Variants in TBC1D24 observed in about 807,000 individuals in gnomAD.
TBC1D24 encodes the protein TBC1 domain family member 24.
In TBC1D24, 47 loss-of-function variants were observed where a neutral mutation model predicts 50.7. The ratio of observed to expected loss-of-function variants is 0.93; its 90% confidence interval spans 0.73 to 1.18. The LOEUF is 1.18. Ranked by LOEUF, TBC1D24 falls within the 50% of genes most tolerant of loss-of-function variation. TBC1D24 has a pLI of 0.00. For missense variants in TBC1D24, 688 were observed against 766.5 expected (o/e 0.90, Z 1.21); for synonymous variants, 324 against 335.2 (o/e 0.97, Z 0.36).
Position 2,502,812 on chromosome 16 carries a change from T to A in TBC1D24, c.*1854T>A, listed in dbSNP as rs1348303492. On this transcript the variant is annotated 3_prime_UTR_variant, in exon 8 of 8. Coordinates refer to ENST00000646147, the MANE Select transcript of TBC1D24 (RefSeq NM_001199107.2). Reference sequence around the variant, plus strand: ...CCCGCCTGAGCCCCTGAGGCCCTCATCTGTACCGCCAGCTTTGGTGTTCAT... The same window carrying A: ...CCCGCCTGAGCCCCTGAGGCCCTCAACTGTACCGCCAGCTTTGGTGTTCAT... 6.5e-6 allele frequency: 1 copy of A among 153,020 alleles called. No individual in the cohort carries two copies. The highest frequency in any genetic ancestry group is 1.9e-4 in the East Asian group (1 of 5,194). The allele number at this position is 153,020 out of a possible 1,614,324, so 9.5% of individuals were successfully genotyped here. A position where few individuals can be genotyped will look rare whatever the true frequency, so the allele number is the denominator to read the frequency against.
chr16:2,490,228 T>C lies in TBC1D24; in HGVS notation c.-115-5806T>C, dbSNP rs201059349. ...CGTGGGTGTCAGGTGGAATTTTTCCTATTTTCCTGGAATTGCAGGCTGGGC... is the reference window on the plus strand; with the variant it reads ...CGTGGGTGTCAGGTGGAATTTTTCCCATTTTCCTGGAATTGCAGGCTGGGC... On this transcript the variant is annotated intron_variant, in intron 1 of 7. Transcript: ENST00000646147. 2.6e-5 allele frequency among the ~76,000 whole-genome samples: 4 copies of C among 152,324 alleles called. No homozygotes were observed. In the East Asian group the frequency reaches 7.7e-4, roughly 29 times the overall value.
chr16:2,498,387 G>T lies in TBC1D24; in HGVS notation c.1133G>T (p.Ser378Ile). Residue 378 changes from serine (S) to isoleucine (I), a missense_variant, in exon 4 of 8, where the codon AGC (serine) becomes ATC (isoleucine). Coordinates refer to ENST00000646147, the MANE Select transcript of TBC1D24 (RefSeq NM_001199107.2). ...TTCTCCTCCCTGCAGCACGGGTACA[G>T]CCTGGCCAGGTAACACCCCAAGGGG... ...LLFSSLQHGY[S>I]LARFYFQCEG... is the part of the protein sequence containing the mutation. The T allele has an allele frequency of 6.2e-7, 1 of 1,603,370 alleles. No individual in the cohort carries two copies. The highest frequency in any genetic ancestry group is 2.2e-5 in the East Asian group (1 of 44,474).
At chr16:2,477,913 A>C (rs1175496717) in intron 1 of TBC1D24, 1 of 152,316 alleles carries the variant, frequency 6.6e-6, no homozygotes, top group African/African-American at 2.4e-5. Context: ...CCTGCCCACC[A>C]GCTCTTGGGA....
chr16:2,476,303 G>A (rs1167639756), intron 1 of TBC1D24, among the ~76,000 whole-genome samples: 1 of 152,068 alleles, frequency 6.6e-6, no homozygotes, highest in African/African-American at 2.4e-5. Flanking sequence ...CCGCCCGAGG[G>A]CCAGGGCTCT....
intron 1 of TBC1D24, among the ~76,000 whole-genome samples, chr16:2,493,215 T>C (rs1490231022): frequency 6.6e-6 from 1 of 151,826 alleles, no homozygotes; most frequent in African/African-American, 2.4e-5. Context: ...CTCGGCTCAC[T>C]GCAATCTCCG....
In TBC1D24 at chr16:2,499,796, G is replaced by T; in HGVS notation, c.1207-39G>T. 6.4e-7 allele frequency: 1 copy of T among 1,571,124 alleles called. No homozygotes were observed. The highest frequency in any genetic ancestry group is 8.8e-7 in the Non-Finnish European group (1 of 1,140,758). On this transcript the variant is annotated intron_variant, in intron 5 of 7. Transcript: ENST00000646147. The surrounding 1 kb of genome is among the most constrained non-coding windows in gnomAD (Gnocchi z 4.0). ...GTCTGGAGCACAGGGACGCTCCTGG[G>T]GGCCTGCGGGCACAGCCTCACCCAG...
In TBC1D24 at chr16:2,499,971, T is replaced by A. The variant is rs370235069; in HGVS notation, c.1302+41T>A. On this transcript the variant is annotated intron_variant, in intron 6 of 7. Transcript: ENST00000646147. The surrounding 1 kb of genome is among the most constrained non-coding windows in gnomAD (Gnocchi z 4.0). ...TGTCCCCAAACCCCCACGCAGACCC[T>A]GTAGCTGCATCCCTCCAGGAGCACC... 1.9e-4 allele frequency: 301 copies of A among 1,572,958 alleles called. No homozygotes were observed. The highest frequency in any genetic ancestry group is 2.6e-4 in the Non-Finnish European group (292 of 1,143,038).
Position 2,500,972 on chromosome 16 carries a change from G to C in TBC1D24, c.*14G>C. On this transcript the variant is annotated 3_prime_UTR_variant, in exon 8 of 8. Coordinates refer to ENST00000646147, the MANE Select transcript of TBC1D24 (RefSeq NM_001199107.2). This position sits in a 1 kb window ranked among gnomAD's most constrained non-coding sequence, Gnocchi z 8.0. ...GACACCCAGTGACGGCCTGTGCCACGGTGACTGAGCCGTGGTGGGGCGGTG... is the reference window on the plus strand; with the variant it reads ...GACACCCAGTGACGGCCTGTGCCACCGTGACTGAGCCGTGGTGGGGCGGTG... 6.2e-7 allele frequency: 1 copy of C among 1,608,182 alleles called. No homozygotes were observed. The highest frequency in any genetic ancestry group is 1.1e-5 in the South Asian group (1 of 91,062).
intron 2 of TBC1D24, 142 bp downstream of exon 2, chr16:2,497,255 C>A (rs545603154): frequency 2.7e-4 from 312 of 1,149,136 alleles, no homozygotes; most frequent in Middle Eastern, 1.4e-3. Flanking sequence ...TGAAAAGACA[C>A]TGAAACAGGA....
Position 2,497,696 on chromosome 16 carries a change from C to T in TBC1D24, c.966-14C>T. On this transcript the variant is annotated splice_polypyrimidine_tract_variant and intron_variant, in intron 2 of 7. Coordinates refer to ENST00000646147, the MANE Select transcript of TBC1D24 (RefSeq NM_001199107.2). ...TTTTCTTCTCCATGTCCGTTGCTTT[C>T]TCCTGTTTTTCAGTGTGTCACTTTC... The T allele has an allele frequency of 7.2e-6, 11 of 1,536,064 alleles. No homozygotes were observed. The highest frequency in any genetic ancestry group is 7.8e-6 in the Non-Finnish European group (9 of 1,146,784).
At position 2,502,251 on chromosome 16, in the gene TBC1D24, GC is replaced by G; in HGVS notation, c.*1298del. ...TTGCCTCTGGGCACTATAGGGGGCA[GC>G]CCCCTGCCTTGTGACCTCCCTCCAT... On this transcript the variant is annotated 3_prime_UTR_variant, in exon 8 of 8. Coordinates refer to ENST00000646147, the MANE Select transcript of TBC1D24 (RefSeq NM_001199107.2). 1 of 152,544 alleles carries G rather than the reference GC, an allele frequency of 6.6e-6. No individual in the cohort carries two copies. The highest frequency in any genetic ancestry group is 1.5e-5 in the Non-Finnish European group (1 of 68,176). The allele number at this position is 152,544 out of a possible 1,614,324, so 9.4% of individuals were successfully genotyped here. A position where few individuals can be genotyped will look rare whatever the true frequency, so the allele number is the denominator to read the frequency against.
At position 2,501,226 on chromosome 16, in the gene TBC1D24, T is replaced by G; in HGVS notation, c.*268T>G. The G allele has an allele frequency of 5.6e-6, 3 of 535,432 alleles. No individual in the cohort carries two copies. Among genetic ancestry groups the G allele is most frequent in the Non-Finnish European group, 6.8e-6 (2 of 295,924 alleles). 33.2% of individuals were successfully genotyped at this position (535,432 alleles called of 1,614,324 possible). ...ACCCAGAGCTGGCATAGGAAGTACC[T>G]TCCTCCTCCGTGGAGGCTTCCATAG... is the stretch of plus-strand genomic sequence containing the variant. On this transcript the variant is annotated 3_prime_UTR_variant, in exon 8 of 8. Transcript: ENST00000646147.
Position 2,500,405 on chromosome 16 carries a change from G to T in TBC1D24, c.1440G>T (p.Ser480=). ...SASSDPADRL[S]PFLAARHFNL... ...CCTCAGACCCCGCTGACCGCCTCTC[G>T]CCCTTCCTGGCCGCTCGCCACTTCA... The change falls in exon 7 of 8, where the codon TCG becomes TCT. Residue 480 remains serine (S), a synonymous_variant. Coordinates refer to ENST00000646147, the MANE Select transcript of TBC1D24 (RefSeq NM_001199107.2). This position sits in a 1 kb window ranked among gnomAD's most constrained non-coding sequence, Gnocchi z 8.0. 1 of 1,601,864 alleles carries T rather than the reference G, an allele frequency of 6.2e-7. No homozygotes were observed. The highest frequency in any genetic ancestry group is 1.3e-5 in the African/African-American group (1 of 74,758).
intron 1 of TBC1D24, chr16:2,484,237 T>A (rs987191908): frequency 9.9e-5 from 15 of 152,258 alleles, no homozygotes; most frequent in African/African-American, 2.9e-4. Context: ...CCACAGATCT[T>A]TCTGGAATAA....
At chr16:2,494,524 G>C (rs944213156) in intron 1 of TBC1D24, among the ~76,000 whole-genome samples, 3 of 152,128 alleles carry the variant, frequency 2.0e-5, no homozygotes, top group Non-Finnish European at 4.4e-5. Context: ...GTGTTTAGGA[G>C]CCTGGAGTGG....
In TBC1D24 at chr16:2,475,182, CGGGGCGTGCGG is replaced by C. The variant is rs2065555299; in HGVS notation, c.-116+19_-116+29del. 1 of 146,282 alleles carries C rather than the reference CGGGGCGTGCGG, an allele frequency of 6.8e-6. No individual in the cohort carries two copies. The highest frequency in any genetic ancestry group is 2.5e-5 in the African/African-American group (1 of 40,320). 9.1% of individuals were successfully genotyped at this position (146,282 alleles called of 1,614,324 possible). A position where few individuals can be genotyped will look rare whatever the true frequency, so the allele number is the denominator to read the frequency against. ...AGCGGCGCGCGGAGGTGGGTGCGCT[CGGGGCGTGCGG>C]GGGGCGCGCGGCGGGGTGGCGGGTG... On this transcript the variant is annotated intron_variant, in intron 1 of 7. Coordinates refer to ENST00000646147, the MANE Select transcript of TBC1D24 (RefSeq NM_001199107.2). This position sits in a 1 kb window ranked among gnomAD's most constrained non-coding sequence, Gnocchi z 4.2.
chr16:2,497,759 C>T, intron 3 of TBC1D24, 32 bp downstream of exon 3: 1 of 1,535,156 alleles, frequency 6.5e-7, no homozygotes, highest in Non-Finnish European at 8.7e-7. Flanking sequence ...CACACCTGGC[C>T]TCTGTCTTTC....
rs373393763 is a variant in TBC1D24 at position 2,496,225 on chromosome 16, A to T, written c.77A>T (p.Glu26Val). 2 of 1,613,930 alleles carry T rather than the reference A, an allele frequency of 1.2e-6. No homozygotes were observed. Among genetic ancestry groups the T allele is most frequent in the African/African-American group, 1.3e-5 (1 of 75,046 alleles). ...GCCATCCAGGACCTGGGGCCCAAGG[A>T]GCTGAGCTGCACTGAACTGCAGGAA... ...DAAIQDLGPKELSCTELQELK... is the reference protein window; with the variant it reads ...DAAIQDLGPKVLSCTELQELK... Residue 26 changes from glutamate (E) to valine (V), a missense_variant, in exon 2 of 8, where the codon GAG becomes GTG. Glu to Val is a moderately radical substitution (Grantham distance 121). Coordinates refer to ENST00000646147, the MANE Select transcript of TBC1D24 (RefSeq NM_001199107.2).
rs1282234974 is a variant in TBC1D24, at chr16:2,499,712, G to C, written c.1207-123G>C. The C allele has an allele frequency of 2.2e-6, 2 of 893,198 alleles. No homozygotes were observed. The highest frequency in any genetic ancestry group is 3.3e-5 in the African/African-American group (2 of 60,696). The allele number at this position is 893,198 out of a possible 1,614,324, so 55.3% of individuals were successfully genotyped here. ...CCCACACCACTCCTGCCCTGGGGTG[G>C]GGGTGGGAGACGGCAATGCCTGCAC... On this transcript the variant is annotated intron_variant, in intron 5 of 7. Coordinates refer to ENST00000646147, the MANE Select transcript of TBC1D24 (RefSeq NM_001199107.2). This position sits in a 1 kb window ranked among gnomAD's most constrained non-coding sequence, Gnocchi z 4.0.
Sources: allele counts gnomAD v4.1 joint callset (sites outside exome capture counted in the v4.1 genomes callset), GRCh38; gene constraint gnomAD v4.1.1; non-coding constraint Gnocchi (gnomAD v3.1); transcripts MANE v1.5; gene names NCBI Gene and HGNC (gene_info 2026-07-23, HGNC 2026-07-21).